Variants in GDAP1 observed in about 807,000 individuals in gnomAD.
The protein encoded by GDAP1 is ganglioside induced differentiation associated protein 1.
A neutral mutation model predicts 40.1 loss-of-function variants in GDAP1; 34 were observed. The ratio of observed to expected loss-of-function variants is 0.85; its 90% CI spans 0.64 to 1.13. The LOEUF is 1.13. Ranked by LOEUF, GDAP1 falls within the 50% of genes most tolerant of loss-of-function variation. GDAP1 has a pLI of 0.00. For synonymous variants in GDAP1, 170 were observed against 157.4 expected, an observed-to-expected ratio of 1.08 and a Z score of -0.60; for missense variants, 374 against 433.7, an observed-to-expected ratio of 0.86 and a Z score of 1.22.
chr8:74,460,834 G>A (rs1379063620), intron 2 of GDAP1, among the ~76,000 whole-genome samples: 1 of 152,152 alleles, frequency 6.6e-6, no homozygotes, highest in Non-Finnish European at 1.5e-5. Context: ...AAGATAAACA[G>A]GTGGAGGAGA....
At chr8:74,422,394 C>CT in intron 2 of GDAP1, among the ~76,000 whole-genome samples, 1 of 110,088 alleles carries the variant, frequency 9.1e-6, no homozygotes, top group East Asian at 2.9e-4. Context: ...TCCTTCCTTC[C>CT]TTCTGTCTCT....
intron 2 of GDAP1, among the ~76,000 whole-genome samples, chr8:74,488,490 G>A (rs1364174959): frequency 6.6e-6 from 1 of 152,134 alleles, no homozygotes. Context: ...AACAAATATG[G>A]CTGTGGTTTC....
chr8:74,367,936 C>T (rs1180787028), downstream of GDAP1, among the ~76,000 whole-genome samples: 2 of 152,158 alleles, frequency 1.3e-5, no homozygotes, highest in African/African-American at 4.8e-5. Flanking sequence ...TAGAGCAGCT[C>T]TGTAGCACTT....
chr8:74,477,355 G>C (rs1017206411), intron 2 of GDAP1, among the ~76,000 whole-genome samples: 1 of 152,196 alleles, frequency 6.6e-6, no homozygotes, highest in Non-Finnish European at 1.5e-5. Context: ...TTGCTTGGAG[G>C]AAAGAAGGCA....
chr8:74,445,886 A>G (rs1806220748), intron 2 of GDAP1, among the ~76,000 whole-genome samples: 1 of 152,218 alleles, frequency 6.6e-6, no homozygotes, highest in South Asian at 2.1e-4. Context: ...TTGAGCTATC[A>G]GGTTATTGTC....
At chr8:74,353,930 A>G (rs1285681403) in intron 2 of GDAP1, among the ~76,000 whole-genome samples, 4 of 152,176 alleles carry the variant, frequency 2.6e-5, no homozygotes, top group African/African-American at 9.6e-5. Flanking sequence ...TTTAAGTTTT[A>G]CACTGCTGGA....
intron 2 of GDAP1, among the ~76,000 whole-genome samples, chr8:74,387,757 T>C (rs902001576): frequency 1.3e-4 from 20 of 152,196 alleles, no homozygotes; most frequent in African/African-American, 4.3e-4. Context: ...GAAGGAATGG[T>C]ACCAGCTCCT....
At chr8:74,455,805 G>A (rs1311143988) in intron 2 of GDAP1, among the ~76,000 whole-genome samples, 1 of 151,896 alleles carries the variant, frequency 6.6e-6, no homozygotes, top group Non-Finnish European at 1.5e-5. Flanking sequence ...CTCAGTGGAT[G>A]CATAGCAGAC....
In GDAP1 at chr8:74,366,246, T is replaced by G. The variant is rs1211950006; in HGVS notation, c.*1879T>G. On this transcript the variant is annotated 3_prime_UTR_variant, in exon 6 of 6. Coordinates refer to ENST00000220822, the MANE Select transcript of GDAP1 (RefSeq NM_018972.4). ...TATATTTCATGGATACTTGAGTTTG[T>G]GCTTTTAAGGTGTTTGTTTAGGGAT... 2 of 454,280 alleles carry G rather than the reference T, an allele frequency of 4.4e-6. No individual in the cohort carries two copies. The highest frequency in any genetic ancestry group is 4.4e-6 in the Non-Finnish European group (1 of 226,730). 28.1% of individuals were successfully genotyped at this position (454,280 alleles called of 1,614,324 possible).
downstream of GDAP1, among the ~76,000 whole-genome samples, chr8:74,367,700 AG>A (rs1297786753): frequency 6.6e-6 from 1 of 152,212 alleles, no homozygotes; most frequent in African/African-American, 2.4e-5. Flanking sequence ...TTTACTAGGT[AG>A]GGTAGTAGAT....
intron 2 of GDAP1, among the ~76,000 whole-genome samples, chr8:74,374,744 T>C (rs1809822578): frequency 6.6e-6 from 1 of 152,114 alleles, no homozygotes; most frequent in Admixed American, 6.5e-5. Context: ...AGCAACTAGA[T>C]GAAATTGACA....
At chr8:74,372,848 A>G (rs562499220) in intron 2 of GDAP1, among the ~76,000 whole-genome samples, 3 of 152,260 alleles carry the variant, frequency 2.0e-5, no homozygotes, top group South Asian at 4.1e-4. Flanking sequence ...GCCCATGCCT[A>G]TGTCCTGAAT....
chr8:74,467,723 A>C (rs895685225), intron 2 of GDAP1, among the ~76,000 whole-genome samples: 3 of 152,186 alleles, frequency 2.0e-5, no homozygotes, highest in Non-Finnish European at 2.9e-5. Flanking sequence ...GGTGTTAAAC[A>C]AGATAGTGGG....
intron 2 of GDAP1, among the ~76,000 whole-genome samples, chr8:74,438,624 A>G (rs1412614303): frequency 6.6e-6 from 1 of 152,120 alleles, no homozygotes; most frequent in Non-Finnish European, 1.5e-5. Flanking sequence ...TACTTTTTAG[A>G]GATGGGATCT....
chr8:74,414,647 TAAAAA>T (rs1248936696), intron 2 of GDAP1, among the ~76,000 whole-genome samples: 1 of 139,868 alleles, frequency 7.1e-6, no homozygotes, highest in Non-Finnish European at 1.5e-5. Context: ...GAAGGAAAAT[TAAAAA>T]GAAAAAAAAA....
chr8:74,472,898 C>A (rs992939456), intron 2 of GDAP1, among the ~76,000 whole-genome samples: 14 of 151,980 alleles, frequency 9.2e-5, no homozygotes, highest in African/African-American at 2.9e-4. Context: ...TAGGTTCGTG[C>A]CACCGCACCT....
intron 2 of GDAP1, among the ~76,000 whole-genome samples, chr8:74,431,978 T>C (rs1806032396): frequency 6.6e-6 from 1 of 152,168 alleles, no homozygotes; most frequent in Non-Finnish European, 1.5e-5. Context: ...AAATGAAATG[T>C]TTTGTGTGAA....
chr8:74,363,621 A>G (rs887244413), intron 5 of GDAP1, among the ~76,000 whole-genome samples: 1 of 152,164 alleles, frequency 6.6e-6, no homozygotes, highest in African/African-American at 2.4e-5. Context: ...AGCTTTATGG[A>G]TTTTTCTAAA....
intron 2 of GDAP1, among the ~76,000 whole-genome samples, chr8:74,381,996 C>T (rs144400143): frequency 2.7e-3 from 406 of 151,940 alleles, no homozygotes; most frequent in Non-Finnish European, 4.2e-3. Flanking sequence ...GGTACATTAC[C>T]AAACTTTTTT....
Sources: gnomAD v4.1 joint callset for allele counts (sites outside exome capture counted in the v4.1 genomes callset) on GRCh38, gnomAD v4.1.1 for gene constraint, MANE v1.5 for transcripts, NCBI Gene and HGNC (gene_info 2026-07-23, HGNC 2026-07-21) for gene names.